SMG5: variants seen among roughly 807,000 people sequenced by gnomAD.
The protein encoded by SMG5 is SMG5 nonsense mediated mRNA decay factor, also known as nonsense-mediated mRNA decay factor SMG5.
Under a neutral mutation model 122.9 loss-of-function variants are expected in SMG5, and 53 were observed. That is an observed-to-expected ratio of 0.43 (90% CI 0.35 to 0.54). The LOEUF is 0.54. Among genes scored for constraint, SMG5 ranks in the 20% least tolerant of loss-of-function variants. The pLI is 0.01. For missense variants in SMG5, 1,153 were observed against 1,285.6 expected, an observed-to-expected ratio of 0.90 and a Z score of 1.58; for synonymous variants, 477 against 490.2, an observed-to-expected ratio of 0.97 and a Z score of 0.35.
In SMG5 at chr1:156,250,516, G is replaced by T; in HGVS notation, c.*71C>A. The stretch of plus-strand genomic sequence containing the variant: ...TGCGTGTGGTGGGGTGACTACAGGT[G>T]CTGGTCCTGGCTGCCAGGGAGGGCA... On this transcript the variant is annotated 3_prime_UTR_variant, in exon 22 of 22. Transcript: ENST00000361813. 7.5e-7 allele frequency: 1 copy of T among 1,339,952 alleles called. No individual in the cohort carries two copies. The highest frequency in any genetic ancestry group is 1.1e-6 in the Non-Finnish European group (1 of 931,670). 83.0% of individuals were successfully genotyped at this position (1,339,952 alleles called of 1,614,324 possible).
At chr1:156,259,882 T>C (rs921753269) in intron 15 of SMG5, among the ~76,000 whole-genome samples, 2 of 152,154 alleles carry the variant, frequency 1.3e-5, no homozygotes, top group Non-Finnish European at 2.9e-5. Context: ...CAAATAAAAA[T>C]CTTATCTAGA....
rs923237578 is a variant in SMG5 at position 156,282,523 on chromosome 1, G to C, written c.74+84C>G. Reference sequence around the variant, plus strand: ...TCACCCGCACCTCACCCCGACACCCGGGCCCCGCCCGCCCGGGAGGCCCCG... The same window carrying C: ...TCACCCGCACCTCACCCCGACACCCCGGCCCCGCCCGCCCGGGAGGCCCCG... On this transcript the variant is annotated intron_variant, in intron 1 of 21. Coordinates refer to ENST00000361813, the MANE Select transcript of SMG5 (RefSeq NM_015327.3). 5 of 1,464,334 alleles carry C rather than the reference G, an allele frequency of 3.4e-6. No individual in the cohort carries two copies. In the African/African-American group the frequency reaches 4.2e-5, roughly 12 times the overall value. 90.7% of individuals were successfully genotyped at this position (1,464,334 alleles called of 1,614,324 possible).
At chr1:156,253,727 T>C (rs1661457963) in intron 16 of SMG5, 1 of 579,908 alleles carries the variant, frequency 1.7e-6, no homozygotes, top group Non-Finnish European at 3.1e-6. Flanking sequence ...GGTCATGATG[T>C]TCCAGGCCCT....
chr1:156,261,830 C>T (rs1340850103), intron 13 of SMG5, among the ~76,000 whole-genome samples: 1 of 144,706 alleles, frequency 6.9e-6, no homozygotes, highest in Non-Finnish European at 1.5e-5. Context: ...GCGGAGGCTG[C>T]AGTGAGCTGA....
intron 7 of SMG5, among the ~76,000 whole-genome samples, chr1:156,271,232 T>G (rs937692834): frequency 1.3e-4 from 20 of 152,156 alleles, no homozygotes; most frequent in African/African-American, 4.8e-4. Flanking sequence ...CAATTAGTAT[T>G]TCATTATTTT....
chr1:156,279,558 T>G (rs1271190864), intron 1 of SMG5, among the ~76,000 whole-genome samples: 1 of 152,074 alleles, frequency 6.6e-6, no homozygotes, highest in Non-Finnish European at 1.5e-5. Context: ...ACCACATCAA[T>G]AAAAACGAAG....
chr1:156,272,727 C>A (rs966979304), intron 6 of SMG5, among the ~76,000 whole-genome samples: 10 of 152,136 alleles, frequency 6.6e-5, no homozygotes, highest in African/African-American at 1.9e-4. Context: ...CAGGCACCCA[C>A]CACCATGCCC....
At chr1:156,286,400 G>T (rs147736417), upstream of SMG5, 1 of 1,614,182 alleles carries the variant, frequency 6.2e-7, no homozygotes, top group Non-Finnish European at 8.5e-7. Context: ...CAACCTGGCC[G>T]TGCTTTCCAC....
rs576531522 is a variant in SMG5 at position 156,258,866 on chromosome 1, C to A, written c.2442+139G>T. 9 of 1,071,664 alleles carry A rather than the reference C, an allele frequency of 8.4e-6. No homozygotes were observed. In the African/African-American group the frequency reaches 1.5e-4, roughly 17 times the overall value. 66.4% of individuals were successfully genotyped at this position (1,071,664 alleles called of 1,614,324 possible). On this transcript the variant is annotated intron_variant, in intron 16 of 21. Coordinates refer to ENST00000361813, the MANE Select transcript of SMG5 (RefSeq NM_015327.3). ...CCTTAGTCCTTCCCAGGCCTCCCTCCCAGCCTCCCCTCCCCTCTCCCTAGG... is the reference window on the plus strand; with the variant it reads ...CCTTAGTCCTTCCCAGGCCTCCCTCACAGCCTCCCCTCCCCTCTCCCTAGG...
rs1174922022 is a variant in SMG5, at chr1:156,278,097, G to A, written c.174-49C>T. The A allele has an allele frequency of 1.9e-6, 3 of 1,607,998 alleles. No homozygotes were observed. The South Asian group carries it at 3.3e-5, about 18-fold the overall frequency. The stretch of plus-strand genomic sequence containing the variant: ...GAGAGACAGCCCATCCCTTGGAGCA[G>A]GGACATAAGAACTGAGGGCAAGGAG... On this transcript the variant is annotated intron_variant, in intron 2 of 21. Transcript: ENST00000361813.
chr1:156,274,288 A>G (rs6670354), intron 5 of SMG5, among the ~76,000 whole-genome samples: 1,607 of 152,322 alleles, frequency 0.011, 23 homozygotes, highest in African/African-American at 0.035. Flanking sequence ...CATAAAGATA[A>G]AAGAAACACT....
intron 1 of SMG5, among the ~76,000 whole-genome samples, chr1:156,281,492 T>C (rs1479615599): frequency 3.3e-5 from 5 of 152,190 alleles, no homozygotes; most frequent in Admixed American, 3.3e-4. Flanking sequence ...CTGGGGCCGC[T>C]AGATTGAATC....
rs1572584775 is a variant in SMG5 at position 156,265,835 on chromosome 1, A to G, written c.1801T>C (p.Ser601Pro). The change falls in exon 12 of 22, where the codon TCG (serine) becomes CCG (proline). Residue 601 changes from serine to proline, a missense_variant. By Grantham distance (74) the Ser-to-Pro change is moderately conservative. Transcript: ENST00000361813. Reference protein sequence around the residue: ...LLQPTTNPHTSASHRPCVNGD... With the variant: ...LLQPTTNPHTPASHRPCVNGD... ...TTGACGCAAGGCCTGTGGCTGGCCG[A>G]GGTATGAGGGTTGGTGGTGGGCTGG... The G allele has an allele frequency of 1.2e-6, 2 of 1,613,970 alleles. No homozygotes were observed. The highest frequency in any genetic ancestry group is 1.7e-6 in the Non-Finnish European group (2 of 1,179,982).
chr1:156,251,913 T>C (rs1435854445), intron 19 of SMG5, among the ~76,000 whole-genome samples: 1 of 152,212 alleles, frequency 6.6e-6, no homozygotes, highest in Admixed American at 6.5e-5. Context: ...GGCAGGCCTG[T>C]ACCGGCTGAG....
intron 6 of SMG5, 87 bp from the exon 7 acceptor site, chr1:156,272,485 C>G: frequency 9.0e-7 from 1 of 1,106,394 alleles, no homozygotes. Context: ...ATCAGAGAAC[C>G]TGTAGGGAGA....
intron 7 of SMG5, among the ~76,000 whole-genome samples, chr1:156,269,738 G>A (rs1359846064): frequency 2.0e-5 from 3 of 152,160 alleles, no homozygotes; most frequent in Non-Finnish European, 4.4e-5. Context: ...AGCCGGGCGT[G>A]TTGGCAGGCG....
At chr1:156,256,936 T>C (rs998245031) in intron 16 of SMG5, among the ~76,000 whole-genome samples, 22 of 138,780 alleles carry the variant, frequency 1.6e-4, no homozygotes, top group African/African-American at 5.9e-4. Flanking sequence ...CCTTTTTTTT[T>C]TTTTTTTCCA....
At chr1:156,266,883 T>C (rs2758614) in intron 10 of SMG5, among the ~76,000 whole-genome samples, 114,168 of 151,754 alleles carry the variant, frequency 0.75, 43,308 homozygotes, top group Admixed American at 0.82. Flanking sequence ...GGGCTCAATC[T>C]GCCCGCCTCG....
chr1:156,285,857 T>C (rs1320741618), upstream of SMG5: 5 of 1,613,696 alleles, frequency 3.1e-6, no homozygotes, highest in African/African-American at 1.3e-5. Flanking sequence ...ACTCATTCTC[T>C]TCCCTTGCCT....
Sources: gnomAD v4.1 joint callset for allele counts (sites outside exome capture counted in the v4.1 genomes callset) on GRCh38, gnomAD v4.1.1 for gene constraint, MANE v1.5 for transcripts, NCBI Gene and HGNC (gene_info 2026-07-23, HGNC 2026-07-21) for gene names.